The following SKI variants were observed in gnomAD, a reference collection of about 807,000 sequenced individuals.
SKI encodes the protein SKI proto-oncogene, also known as ski oncogene.
A neutral mutation model predicts 59.3 loss-of-function variants in SKI; 23 were observed. The ratio of observed to expected loss-of-function variants is 0.39; its 90% CI spans 0.28 to 0.55. The LOEUF is 0.55. SKI is among the 20% of genes least tolerant of loss of function. SKI has a pLI of 0.67. For missense variants in SKI, 1,017 were observed against 1,038.9 expected, an observed-to-expected ratio of 0.98 and a Z score of 0.29; for synonymous variants, 673 against 488.6, an observed-to-expected ratio of 1.38 and a Z score of -4.98.
intron 1 of SKI, among the ~76,000 whole-genome samples, chr1:2,251,412 G>A (rs918911268): frequency 2.0e-5 from 3 of 152,046 alleles, no homozygotes; most frequent in Non-Finnish European, 2.9e-5. Flanking sequence ...GTGAACCCCC[G>A]CTCCCTCCCC....
chr1:2,245,104 C>T (rs1638963977), intron 1 of SKI, among the ~76,000 whole-genome samples: 1 of 152,172 alleles, frequency 6.6e-6, no homozygotes, highest in African/African-American at 2.4e-5. Context: ...CTGCCTCCCC[C>T]AGCCCCCAAC....
At chr1:2,295,466 T>C (rs1640262023) in intron 1 of SKI, among the ~76,000 whole-genome samples, 1 of 152,270 alleles carries the variant, frequency 6.6e-6, no homozygotes, top group Non-Finnish European at 1.5e-5. Flanking sequence ...TTTCAGTATA[T>C]GCAGCCATCA....
chr1:2,262,861 C>T (rs1044442183), intron 1 of SKI, among the ~76,000 whole-genome samples: 6 of 152,044 alleles, frequency 3.9e-5, no homozygotes, highest in East Asian at 1.9e-4. Flanking sequence ...CCCCTTCAGT[C>T]GTGATGTATT....
intron 1 of SKI, among the ~76,000 whole-genome samples, chr1:2,286,817 G>T (rs1426446313): frequency 3.3e-5 from 5 of 152,230 alleles, no homozygotes; most frequent in Non-Finnish European, 7.3e-5. Context: ...TCCTCCACTG[G>T]ACGCTCTTTA....
chr1:2,249,117 G>C (rs1639062994), intron 1 of SKI, among the ~76,000 whole-genome samples: 2 of 152,230 alleles, frequency 1.3e-5, no homozygotes, highest in Non-Finnish European at 2.9e-5. Context: ...GTGCTGCCTG[G>C]CACTGCCACC....
At chr1:2,285,821 C>G (rs1640027800) in intron 1 of SKI, among the ~76,000 whole-genome samples, 1 of 151,472 alleles carries the variant, frequency 6.6e-6, no homozygotes, top group South Asian at 2.1e-4. Flanking sequence ...TCATCTGGAC[C>G]TCCTAAAGTG....
chr1:2,254,733 C>CGT (rs139901487), intron 1 of SKI, among the ~76,000 whole-genome samples: 2,217 of 150,838 alleles, frequency 0.015, 46 homozygotes, highest in African/African-American at 0.017. Flanking sequence ...TCACTGCGTG[C>CGT]GTGTGTGTGT....
chr1:2,274,116 G>A lies in SKI; in HGVS notation c.970-28862G>A, dbSNP rs1303818530. Among the ~76,000 whole-genome samples, 6 of 151,764 alleles carry A rather than the reference G, an allele frequency of 4.0e-5. 1 individual carries two copies. The highest frequency in any genetic ancestry group is 1.4e-4 in the African/African-American group (6 of 41,412). On this transcript the variant is annotated intron_variant, in intron 1 of 6. Coordinates refer to ENST00000378536, the MANE Select transcript of SKI (RefSeq NM_003036.4). ...GCTCACACAGGCACCTCCAGGTAAG[G>A]GGGATTGAGGAAGGTAGCGCTTTGT...
At chr1:2,232,677 T>C (rs263532) in intron 1 of SKI, 61,745 of 152,144 alleles carry the variant, frequency 0.41, 13,199 homozygotes, top group East Asian at 0.64. Context: ...TTGGCGAGTC[T>C]CCTCTTAGGG....
chr1:2,240,877 G>A, intron 1 of SKI: 1 of 873,502 alleles, frequency 1.1e-6, no homozygotes, highest in East Asian at 1.2e-4. Flanking sequence ...GCACTGCTGG[G>A]GAAGTGGCCC....
rs112413214 is a variant in SKI, at chr1:2,309,937, C to CT, written c.*3182dup. On this transcript the variant is annotated 3_prime_UTR_variant, in exon 7 of 7. Coordinates refer to ENST00000378536, the MANE Select transcript of SKI (RefSeq NM_003036.4). ...GCTTTAAGTCAGGAGTCACAAATGA[C>CT]TTTTTTTTTTCAATTAAGGAAAAAG... 0.5 allele frequency: 55,847 copies of CT among 111,216 alleles called. 14,566 individuals carry two copies. The highest frequency in any genetic ancestry group is 0.57 in the Middle Eastern group (127 of 222). The allele number at this position is 111,216 out of a possible 1,614,324, so 6.9% of individuals were successfully genotyped here.
Position 2,307,894 on chromosome 1 carries a change from CTG to C in SKI, c.*1130_*1131del, listed in dbSNP as rs1359256687. The C allele has an allele frequency of 6.6e-6, 1 of 152,558 alleles. No homozygotes were observed. The highest frequency in any genetic ancestry group is 1.5e-5 in the Non-Finnish European group (1 of 68,046). 9.5% of individuals were successfully genotyped at this position (152,558 alleles called of 1,614,324 possible). ...TCACAAGAAAACGAAAATGCAAAAA[CTG>C]AACTTCGGGGGTCGTTCTGTGCCTT... On this transcript the variant is annotated 3_prime_UTR_variant, in exon 7 of 7. Transcript: ENST00000378536.
chr1:2,297,661 G>T (rs535053868), intron 1 of SKI, among the ~76,000 whole-genome samples: 5 of 152,254 alleles, frequency 3.3e-5, no homozygotes, highest in Admixed American at 2.0e-4. Flanking sequence ...GTACAGAGAC[G>T]AATTGGCGCT....
At chr1:2,298,359 G>T (rs925357041) in intron 1 of SKI, among the ~76,000 whole-genome samples, 1 of 152,172 alleles carries the variant, frequency 6.6e-6, no homozygotes, top group Non-Finnish European at 1.5e-5. Flanking sequence ...CCTGGGGTTG[G>T]AGGGAGTTGT....
At chr1:2,293,048 G>A (rs765303702) in intron 1 of SKI, among the ~76,000 whole-genome samples, 20 of 152,178 alleles carry the variant, frequency 1.3e-4, no homozygotes, top group Non-Finnish European at 2.6e-4. Context: ...CAGGGTGCAC[G>A]GGAGAGCAGG....
intron 1 of SKI, among the ~76,000 whole-genome samples, chr1:2,244,790 G>C (rs1638957027): frequency 6.6e-6 from 1 of 152,118 alleles, no homozygotes; most frequent in Non-Finnish European, 1.5e-5. Context: ...GTAGCATTCA[G>C]CAGTGTTGAA....
rs1403951701 is a variant in SKI, at chr1:2,270,556, G to A, written c.970-32422G>A. Among the ~76,000 whole-genome samples, 1 of 152,186 alleles carries A rather than the reference G, an allele frequency of 6.6e-6. No individual in the cohort carries two copies. Among genetic ancestry groups the A allele is most frequent in the African/African-American group, 2.4e-5 (1 of 41,450 alleles). On this transcript the variant is annotated intron_variant, in intron 1 of 6. Coordinates refer to ENST00000378536, the MANE Select transcript of SKI (RefSeq NM_003036.4). The surrounding 1 kb of genome is among the most constrained non-coding windows in gnomAD (Gnocchi z 4.1). ...ACGGGCAGTGTGCAGTGTTGAGGGG[G>A]CGCTGGGGAAACAAGCTGCCGGCTG...
intron 1 of SKI, among the ~76,000 whole-genome samples, chr1:2,240,343 G>T (rs1352037944): frequency 4.6e-5 from 7 of 152,338 alleles, no homozygotes; most frequent in African/African-American, 1.7e-4. Context: ...ACGTGGGAGG[G>T]GCAGGCGCCT....
At chr1:2,251,550 G>A (rs1489150769) in intron 1 of SKI, among the ~76,000 whole-genome samples, 1 of 152,166 alleles carries the variant, frequency 6.6e-6, no homozygotes, top group Non-Finnish European at 1.5e-5. Context: ...GGTCGTGTGG[G>A]GCCATCGAGG....
Sources: gnomAD v4.1 joint callset for allele counts (sites outside exome capture counted in the v4.1 genomes callset) on GRCh38, gnomAD v4.1.1 for gene constraint, Gnocchi (gnomAD v3.1) non-coding constraint, MANE v1.5 for transcripts, NCBI Gene and HGNC (gene_info 2026-07-23, HGNC 2026-07-21) for gene names.